Variants in TMC1 observed in about 807,000 individuals in gnomAD.
TMC1 encodes the protein transmembrane channel-like protein 1.
Under a neutral mutation model 105.8 loss-of-function variants are expected in TMC1, and 84 were observed. The observed-to-expected ratio is 0.79, with a 90% CI of 0.67 to 0.95. The LOEUF (loss-of-function observed/expected upper bound fraction) is 0.95, where lower values mean the gene tolerates loss of function less well. TMC1 is among the 40% of genes least tolerant of loss of function. The pLI, the probability that TMC1 is intolerant of heterozygous loss-of-function variation, is 0.00. For missense variants in TMC1, 817 were observed against 914.1 expected (o/e 0.89, Z 1.37); for synonymous variants, 315 against 311.5 (o/e 1.01, Z -0.12).
chr9:72,719,517 C>T (rs561282030), intron 8 of TMC1, among the ~76,000 whole-genome samples: 1 of 152,308 alleles, frequency 6.6e-6, no homozygotes, highest in African/African-American at 2.4e-5. Flanking sequence ...CCCACTTTTG[C>T]AGTTTGGGCA....
chr9:72,684,217 T>C (rs1826339174), intron 5 of TMC1, among the ~76,000 whole-genome samples: 1 of 152,188 alleles, frequency 6.6e-6, no homozygotes, highest in African/African-American at 2.4e-5. Flanking sequence ...CCATTCTAAA[T>C]AGCAAAAATA....
At chr9:72,547,308 T>C (rs1320770804) in intron 1 of TMC1, among the ~76,000 whole-genome samples, 1 of 149,102 alleles carries the variant, frequency 6.7e-6, no homozygotes, top group Non-Finnish European at 1.5e-5. Context: ...AAAAAATGGT[T>C]AAAAAGATGA....
intron 12 of TMC1, among the ~76,000 whole-genome samples, chr9:72,764,415 G>A (rs1827800305): frequency 6.6e-6 from 1 of 152,024 alleles, no homozygotes; most frequent in Admixed American, 6.6e-5. Context: ...AATGAAAGAA[G>A]ACAACTTTTT....
At chr9:72,829,150 G>A (rs1044703978) in intron 21 of TMC1, among the ~76,000 whole-genome samples, 2 of 152,026 alleles carry the variant, frequency 1.3e-5, no homozygotes, top group Non-Finnish European at 2.9e-5. Context: ...TTCAAATTCT[G>A]AGATCTCATC....
At chr9:72,824,740 C>T (rs35737026) in intron 20 of TMC1, among the ~76,000 whole-genome samples, 27,241 of 152,124 alleles carry the variant, frequency 0.18, 2,641 homozygotes, top group African/African-American at 0.23. Context: ...AGAAACCCAA[C>T]TAGGAAAGGG....
In TMC1 at chr9:72,816,174, A is replaced by G. The variant is rs919280403; in HGVS notation, c.1727A>G (p.Asn576Ser). 2.5e-6 allele frequency: 4 copies of G among 1,613,588 alleles called. No individual in the cohort carries two copies. The highest frequency in any genetic ancestry group is 3.4e-6 in the Non-Finnish European group (4 of 1,179,584). Reference protein sequence around the residue: ...PSYTEFDISGNVLALIFNQGM... With the variant: ...PSYTEFDISGSVLALIFNQGM... ...TACACCGAATTCGACATCAGTGGCA[A>G]CGTCCTCGCTCTGATCTTCAACCAA... Residue 576 changes from asparagine (N) to serine (S), a missense_variant, in exon 19 of 24, where the codon AAC becomes AGC. Physicochemically the swap from Asn to Ser is conservative, Grantham distance 46. Coordinates refer to ENST00000297784, the MANE Select transcript of TMC1 (RefSeq NM_138691.3).
intron 1 of TMC1, among the ~76,000 whole-genome samples, chr9:72,576,618 C>CTTTTTTTTTTTTTTTTTTTT (rs71357588): frequency 2.2e-5 from 3 of 135,148 alleles, no homozygotes; most frequent in African/African-American, 2.8e-5. Context: ...CTCCCAATTT[C>CTTTTTTTTTTTTTTTTTTTT]TTTTTTTTTT....
At chr9:72,802,653 C>T (rs1344764958) in intron 17 of TMC1, among the ~76,000 whole-genome samples, 1 of 151,974 alleles carries the variant, frequency 6.6e-6, no homozygotes, top group Admixed American at 6.5e-5. Context: ...ATAAAGAGAC[C>T]ATGTACCAGA....
intron 18 of TMC1, among the ~76,000 whole-genome samples, chr9:72,814,708 G>A (rs922480811): frequency 6.6e-6 from 1 of 152,164 alleles, no homozygotes; most frequent in African/African-American, 2.4e-5. Context: ...AGTTGAATAG[G>A]AGAGTAATAC....
At chr9:72,708,442 A>T (rs890392822) in intron 8 of TMC1, among the ~76,000 whole-genome samples, 1 of 151,370 alleles carries the variant, frequency 6.6e-6, no homozygotes, top group Non-Finnish European at 1.5e-5. Context: ...GATTTATTTC[A>T]GCCATGTTTT....
chr9:72,704,202 C>T (rs986009312), intron 8 of TMC1, among the ~76,000 whole-genome samples: 4 of 151,912 alleles, frequency 2.6e-5, no homozygotes, highest in African/African-American at 9.7e-5. Flanking sequence ...CCTGCATCAT[C>T]GCTCCTGGCT....
intron 17 of TMC1, among the ~76,000 whole-genome samples, chr9:72,798,830 CTAAAA>C (rs1828418110): frequency 6.6e-6 from 1 of 151,608 alleles, no homozygotes; most frequent in Admixed American, 6.6e-5. Context: ...ACTACTAAAC[CTAAAA>C]TAAAAGTTTT....
intron 19 of TMC1, among the ~76,000 whole-genome samples, chr9:72,817,745 T>C (rs1409572011): frequency 1.3e-5 from 2 of 152,222 alleles, no homozygotes; most frequent in Non-Finnish European, 2.9e-5. Flanking sequence ...TTTGCAACTA[T>C]GTTAGTCCAC....
chr9:72,761,373 C>A (rs1827752784), intron 12 of TMC1, among the ~76,000 whole-genome samples: 1 of 152,152 alleles, frequency 6.6e-6, no homozygotes, highest in Admixed American at 6.5e-5. Flanking sequence ...ACAGTGAGAT[C>A]ATATGGGTAA....
At chr9:72,587,532 C>T (rs1446288668) in intron 2 of TMC1, among the ~76,000 whole-genome samples, 1 of 152,194 alleles carries the variant, frequency 6.6e-6, no homozygotes, top group Non-Finnish European at 1.5e-5. Flanking sequence ...GTATGTCCAG[C>T]ATGGGTTGGC....
chr9:72,766,591 C>T (rs1163081086), intron 12 of TMC1, among the ~76,000 whole-genome samples: 4 of 152,022 alleles, frequency 2.6e-5, no homozygotes, highest in Non-Finnish European at 5.9e-5. Context: ...CAGCCATGTC[C>T]CCTGTGTAGG....
chr9:72,827,630 A>G (rs1325209522), intron 21 of TMC1, among the ~76,000 whole-genome samples: 1 of 152,176 alleles, frequency 6.6e-6, no homozygotes, highest in Non-Finnish European at 1.5e-5. Context: ...CATAACTTTC[A>G]TTGGCTTCTG....
Position 72,626,400 on chromosome 9 carries a change from A to C in TMC1, c.-195-1521A>C, listed in dbSNP as rs899658042. ...TGGATCAGGAAGTCCTTTTACAAGGAGAAAAGTGCTTGAAGTCATTTGAGT... is the reference window on the plus strand; with the variant it reads ...TGGATCAGGAAGTCCTTTTACAAGGCGAAAAGTGCTTGAAGTCATTTGAGT... On this transcript the variant is annotated intron_variant, in intron 3 of 23. Transcript: ENST00000297784. Among the ~76,000 whole-genome samples the C allele has an allele frequency of 4.6e-5, 7 of 152,220 alleles. 1 individual carries two copies. Among genetic ancestry groups the C allele is most frequent in the Admixed American group, 3.9e-4 (6 of 15,286 alleles).
intron 7 of TMC1, among the ~76,000 whole-genome samples, chr9:72,698,655 G>A (rs777188982): frequency 1.3e-5 from 2 of 152,054 alleles, no homozygotes. Flanking sequence ...TCATAGTGAC[G>A]GTAACTACTG....
Sources: gnomAD v4.1 joint callset for allele counts (sites outside exome capture counted in the v4.1 genomes callset) on GRCh38, gnomAD v4.1.1 for gene constraint, MANE v1.5 for transcripts, NCBI Gene and HGNC (gene_info 2026-07-23, HGNC 2026-07-21) for gene names.